Variants in PDRG1 observed in about 807,000 individuals in gnomAD.
PDRG1 encodes p53 and DNA damage regulated 1.
In PDRG1, 14 loss-of-function variants were observed where a neutral mutation model predicts 18.4. That is an observed-to-expected ratio of 0.76 (90% CI 0.50 to 1.19). The LOEUF (loss-of-function observed/expected upper bound fraction) is 1.19, where lower values mean the gene tolerates loss of function less well. Among genes scored for constraint, PDRG1 ranks in the 50% most tolerant of loss-of-function variants. The pLI, the probability that PDRG1 is intolerant of heterozygous loss-of-function variation, is 0.00. For missense variants in PDRG1, 177 were observed against 160.1 expected (o/e 1.11, Z -0.57); for synonymous variants, 65 against 60.9 (o/e 1.07, Z -0.31).
Position 31,950,325 on chromosome 20 carries a change from A to C in PDRG1, c.150T>G (p.Asp50Glu). ...NREGLRALQK[D>E]LSLSEDVMVC... Reference sequence around the variant, plus strand: ...ATTTCAACTTACCAGAGAGGCTGAGATCCTTCTGCAGGGCCCTCAGGCCCT... The same window carrying C: ...ATTTCAACTTACCAGAGAGGCTGAGCTCCTTCTGCAGGGCCCTCAGGCCCT... Residue 50 changes from aspartate (D) to glutamate (E), a missense_variant, in exon 2 of 5, where the codon GAT becomes GAG. Transcript: ENST00000202017. 1 of 1,610,346 alleles carries C rather than the reference A, an allele frequency of 6.2e-7. No homozygotes were observed.
intron 4 of PDRG1, 42 bp downstream of exon 4, chr20:31,946,454 A>G: frequency 6.0e-6 from 9 of 1,510,890 alleles, no homozygotes; most frequent in Non-Finnish European, 7.4e-6. Context: ...CATGCTGATG[A>G]TTCCCTCCCC....
At chr20:31,951,282 C>T (rs893758901) in intron 1 of PDRG1, among the ~76,000 whole-genome samples, 3 of 152,170 alleles carry the variant, frequency 2.0e-5, no homozygotes, top group Non-Finnish European at 2.9e-5. Context: ...ACTACCTAGT[C>T]CAAATCCATC....
chr20:31,947,524 A>G (rs1203809582), intron 3 of PDRG1, among the ~76,000 whole-genome samples: 15 of 152,240 alleles, frequency 9.9e-5, no homozygotes, highest in Admixed American at 9.8e-4. Context: ...TTTTATAACC[A>G]TAATATTAGT....
rs367599883 is a variant in PDRG1 at position 31,946,484 on chromosome 20, C to T, written c.319+12G>A. ...CTCCCCTTCTTATCTCCAGTCCCTG[C>T]TAAGCCAATACCTTGGGCCTCAAAA... On this transcript the variant is annotated intron_variant, in intron 4 of 4. Transcript: ENST00000202017. The T allele has an allele frequency of 7.6e-5, 121 of 1,591,738 alleles. No homozygotes were observed. In the African/African-American group the frequency reaches 1.6e-3, roughly 20 times the overall value.
At chr20:31,946,360 G>A (rs2064318729) in intron 4 of PDRG1, 136 bp downstream of exon 4, 3 of 776,394 alleles carry the variant, frequency 3.9e-6, no homozygotes, top group Non-Finnish European at 6.7e-6. Context: ...CAACCACTGT[G>A]CACACCTCCA....
intron 1 of PDRG1, 36 bp downstream of exon 1, chr20:31,951,839 G>A: frequency 6.5e-7 from 1 of 1,528,414 alleles, no homozygotes; most frequent in Non-Finnish European, 8.8e-7. Context: ...CACGGCGCCG[G>A]CCGCCAGGCC....
rs1445032974 is a variant in PDRG1, at chr20:31,946,486, A to T, written c.319+10T>A. 33 of 1,592,586 alleles carry T rather than the reference A, an allele frequency of 2.1e-5. No homozygotes were observed. The highest frequency in any genetic ancestry group is 2.8e-5 in the Non-Finnish European group (33 of 1,160,564). ...CCCCTTCTTATCTCCAGTCCCTGCTAAGCCAATACCTTGGGCCTCAAAAAG... is the reference window on the plus strand; with the variant it reads ...CCCCTTCTTATCTCCAGTCCCTGCTTAGCCAATACCTTGGGCCTCAAAAAG... On this transcript the variant is annotated intron_variant, in intron 4 of 4. Coordinates refer to ENST00000202017, the MANE Select transcript of PDRG1 (RefSeq NM_030815.3).
In PDRG1 at chr20:31,951,989, T is replaced by A. The variant is rs767221387; in HGVS notation, c.-28A>T. The A allele has an allele frequency of 6.6e-7, 1 of 1,522,204 alleles. No individual in the cohort carries two copies. Among genetic ancestry groups the A allele is most frequent in the Non-Finnish European group, 8.8e-7 (1 of 1,137,254 alleles). The allele number at this position is 1,522,204 out of a possible 1,614,324, so 94.3% of individuals were successfully genotyped here. A position where few individuals can be genotyped will look rare whatever the true frequency, so the allele number is the denominator to read the frequency against. Reference sequence around the variant, plus strand: ...CGCCCACCAACTCCGCTTGCGGCTCTCGCGCGACCCCGGGATCTCCGCTTC... The same window carrying A: ...CGCCCACCAACTCCGCTTGCGGCTCACGCGCGACCCCGGGATCTCCGCTTC... On this transcript the variant is annotated 5_prime_UTR_variant, in exon 1 of 5. Coordinates refer to ENST00000202017, the MANE Select transcript of PDRG1 (RefSeq NM_030815.3).
At chr20:31,951,788 C>T (rs1373816542) in intron 1 of PDRG1, 87 bp downstream of exon 1, 17 of 1,399,902 alleles carry the variant, frequency 1.2e-5, no homozygotes, top group Non-Finnish European at 1.4e-5. Context: ...AGCCGTTAAC[C>T]GCCTGTCCAG....
At position 31,948,913 on chromosome 20, in the gene PDRG1, ATTTT is replaced by A. The variant is rs200283565; in HGVS notation, c.164-35_164-32del. The A allele has an allele frequency of 1.9e-6, 3 of 1,588,602 alleles. 1 individual carries two copies. The highest frequency in any genetic ancestry group is 2.2e-5 in the South Asian group (2 of 89,244). The stretch of plus-strand genomic sequence containing the variant: ...AGAGCAAATAGTAATTCCTTCAACA[ATTTT>A]TTTTTGAGTACCTATTATCTGCCAG... On this transcript the variant is annotated intron_variant, in intron 2 of 4. Coordinates refer to ENST00000202017, the MANE Select transcript of PDRG1 (RefSeq NM_030815.3).
chr20:31,946,272 G>A (rs2064317720), intron 4 of PDRG1, among the ~76,000 whole-genome samples: 1 of 152,124 alleles, frequency 6.6e-6, no homozygotes, highest in Non-Finnish European at 1.5e-5. Flanking sequence ...AGCGGTTCCT[G>A]GGACCTGGAA....
At chr20:31,946,170 C>CCTCA (rs2064316519) in intron 4 of PDRG1, among the ~76,000 whole-genome samples, 1 of 152,200 alleles carries the variant, frequency 6.6e-6, no homozygotes, top group Non-Finnish European at 1.5e-5. Flanking sequence ...TCAGCTCTGA[C>CCTCA]CTCACTCACT....
intron 4 of PDRG1, among the ~76,000 whole-genome samples, chr20:31,946,274 G>A (rs2064317744): frequency 6.6e-6 from 1 of 152,076 alleles, no homozygotes; most frequent in Admixed American, 6.5e-5. Flanking sequence ...CGGTTCCTGG[G>A]ACCTGGAAAA....
In PDRG1 at chr20:31,944,804, A is replaced by T. The variant is rs1204030574; in HGVS notation, c.*1003T>A. On this transcript the variant is annotated 3_prime_UTR_variant, in exon 5 of 5. Transcript: ENST00000202017. ...AGCCAAGGAGCGGGGGGACCAGGAGAGGTGTGCCCCTGCCATGCTGCCATT... is the reference window on the plus strand; with the variant it reads ...AGCCAAGGAGCGGGGGGACCAGGAGTGGTGTGCCCCTGCCATGCTGCCATT... The T allele has an allele frequency of 6.6e-6, 1 of 152,210 alleles. No homozygotes were observed. Among genetic ancestry groups the T allele is most frequent in the Non-Finnish European group, 1.5e-5 (1 of 68,046 alleles). 9.4% of individuals were successfully genotyped at this position (152,210 alleles called of 1,614,324 possible).
At chr20:31,947,872 A>G (rs1398587214) in intron 3 of PDRG1, among the ~76,000 whole-genome samples, 1 of 152,118 alleles carries the variant, frequency 6.6e-6, no homozygotes, top group Non-Finnish European at 1.5e-5. Context: ...CCTGGGTGAC[A>G]GAGCAAGACT....
rs755338362 is a variant in PDRG1, at chr20:31,951,991, G to A, written c.-30C>T. 5.3e-6 allele frequency: 8 copies of A among 1,517,024 alleles called. No homozygotes were observed. Among genetic ancestry groups the A allele is most frequent in the Non-Finnish European group, 7.0e-6 (8 of 1,134,820 alleles). The allele number at this position is 1,517,024 out of a possible 1,614,324, so 94.0% of individuals were successfully genotyped here. The stretch of plus-strand genomic sequence containing the variant: ...CCCACCAACTCCGCTTGCGGCTCTC[G>A]CGCGACCCCGGGATCTCCGCTTCGA... On this transcript the variant is annotated 5_prime_UTR_variant, in exon 1 of 5. Coordinates refer to ENST00000202017, the MANE Select transcript of PDRG1 (RefSeq NM_030815.3).
chr20:31,946,507 A>C lies in PDRG1; in HGVS notation c.308T>G (p.Phe103Cys). The change falls in exon 4 of 5, where the codon TTT becomes TGT. Residue 103 changes from phenylalanine to cysteine, a missense_variant. Coordinates refer to ENST00000202017, the MANE Select transcript of PDRG1 (RefSeq NM_030815.3). Reference protein sequence around the residue: ...KQLKVKVNRLFEAQGKPELKG... With the variant: ...KQLKVKVNRLCEAQGKPELKG... Reference sequence around the variant, plus strand: ...TGCTAAGCCAATACCTTGGGCCTCAAAAAGGCGGTTGACCTTCACTTTAAG... The same window carrying C: ...TGCTAAGCCAATACCTTGGGCCTCACAAAGGCGGTTGACCTTCACTTTAAG... The C allele has an allele frequency of 6.2e-7, 1 of 1,610,168 alleles. No homozygotes were observed. Among genetic ancestry groups the C allele is most frequent in the South Asian group, 1.1e-5 (1 of 90,970 alleles).
intron 1 of PDRG1, among the ~76,000 whole-genome samples, chr20:31,951,551 G>C (rs2064352264): frequency 6.6e-6 from 1 of 152,126 alleles, no homozygotes; most frequent in Non-Finnish European, 1.5e-5. Context: ...TTCGGTTCCA[G>C]CTCTCCCCTG....
chr20:31,952,037 C>T lies in PDRG1; in HGVS notation c.-76G>A, dbSNP rs1468153565. The stretch of plus-strand genomic sequence containing the variant: ...TTCGACTCCCGCTGCGCACGCGCCG[C>T]TCTCTAGGTGCTTCCGGCGCGCCTG... On this transcript the variant is annotated 5_prime_UTR_variant, in exon 1 of 5. Transcript: ENST00000202017. 4 of 1,478,674 alleles carry T rather than the reference C, an allele frequency of 2.7e-6. No homozygotes were observed. The highest frequency in any genetic ancestry group is 1.5e-5 in the African/African-American group (1 of 68,764). The allele number at this position is 1,478,674 out of a possible 1,614,324, so 91.6% of individuals were successfully genotyped here.
Sources: allele counts gnomAD v4.1 joint callset (sites outside exome capture counted in the v4.1 genomes callset), GRCh38; gene constraint gnomAD v4.1.1; transcripts MANE v1.5; gene names NCBI Gene and HGNC (gene_info 2026-07-23, HGNC 2026-07-21).